AP4E1: variants seen among roughly 807,000 people sequenced by gnomAD.
AP4E1 encodes the protein AP-4 complex subunit epsilon-1.
Under a neutral mutation model 128.2 loss-of-function variants are expected in AP4E1, and 56 were observed. The ratio of observed to expected loss-of-function variants is 0.44; its 90% confidence interval spans 0.35 to 0.55. The LOEUF (loss-of-function observed/expected upper bound fraction) is 0.55, where lower values mean the gene tolerates loss of function less well. Among genes scored for constraint, AP4E1 ranks in the 20% least tolerant of loss-of-function variants. The probability of loss-of-function intolerance (pLI) is 0.00; values close to 1 mark genes in which losing one functional copy is unlikely to be tolerated. For synonymous variants in AP4E1, 484 were observed against 473.1 expected, an observed-to-expected ratio of 1.02 and a Z score of -0.30; for missense variants, 1,324 against 1,307.7, an observed-to-expected ratio of 1.01 and a Z score of -0.19.
At chr15:50,985,417 T>G (rs2064706783) in intron 16 of AP4E1, among the ~76,000 whole-genome samples, 1 of 152,234 alleles carries the variant, frequency 6.6e-6, no homozygotes, top group Admixed American at 6.5e-5. Flanking sequence ...TGCCTAGGTT[T>G]TCTTCTAGGA....
intron 13 of AP4E1, among the ~76,000 whole-genome samples, chr15:50,953,515 C>T (rs1216514148): frequency 6.6e-6 from 1 of 152,148 alleles, no homozygotes; most frequent in African/African-American, 2.4e-5. Flanking sequence ...CCAGCTGGGA[C>T]CTGAATCATT....
At chr15:50,986,254 C>T (rs1428120653) in intron 16 of AP4E1, among the ~76,000 whole-genome samples, 5 of 152,152 alleles carry the variant, frequency 3.3e-5, no homozygotes, top group Non-Finnish European at 5.9e-5. Context: ...CATCTGCAAA[C>T]AGGGACAATT....
chr15:50,957,574 T>C (rs1335749783), intron 13 of AP4E1, among the ~76,000 whole-genome samples: 4 of 152,146 alleles, frequency 2.6e-5, no homozygotes, highest in Admixed American at 2.6e-4. Context: ...CCCCACCCTT[T>C]TCTGCCTAGA....
At chr15:50,919,996 G>A (rs1301292244) in intron 3 of AP4E1, among the ~76,000 whole-genome samples, 1 of 144,366 alleles carries the variant, frequency 6.9e-6, no homozygotes, top group Non-Finnish European at 1.5e-5. Context: ...AGGATTGCTT[G>A]AACCTGGGAG....
rs1407697070 is a variant in AP4E1, at chr15:50,908,945, C to T, written c.150+17C>T. On this transcript the variant is annotated intron_variant, in intron 1 of 20. Transcript: ENST00000261842. ...TCCAAGCACGTAGGTGCCCGCCGGC[C>T]CGGGAGCTCAGGGACATCGGAGTGA... 30 of 1,610,268 alleles carry T rather than the reference C, an allele frequency of 1.9e-5. No homozygotes were observed. The highest frequency in any genetic ancestry group is 2.5e-5 in the Non-Finnish European group (29 of 1,179,332).
At chr15:50,931,834 C>T (rs547236119) in intron 7 of AP4E1, among the ~76,000 whole-genome samples, 16 of 152,110 alleles carry the variant, frequency 1.1e-4, no homozygotes, top group Admixed American at 2.0e-4. Flanking sequence ...ATTAGGCCTG[C>T]GGGCTATAGT....
chr15:50,931,013 A>G (rs1370358754), intron 7 of AP4E1, 42 bp downstream of exon 7: 2 of 1,608,726 alleles, frequency 1.2e-6, no homozygotes, highest in Admixed American at 3.3e-5. Flanking sequence ...CCCCCATACC[A>G]GATGATAAGC....
rs2064999393 is a variant in AP4E1, at chr15:51,004,532, T to G, written c.*1870T>G. ...TATTCATGAGTGGTAGCTGCAGTTG[T>G]CGTGAGAGACATGCTTGGCATACAG... On this transcript the variant is annotated 3_prime_UTR_variant, in exon 21 of 21. Coordinates refer to ENST00000261842, the MANE Select transcript of AP4E1 (RefSeq NM_007347.5). The G allele has an allele frequency of 6.6e-6, 1 of 152,432 alleles. No homozygotes were observed. The highest frequency in any genetic ancestry group is 1.5e-5 in the Non-Finnish European group (1 of 68,036). The allele number at this position is 152,432 out of a possible 1,614,324, so 9.4% of individuals were successfully genotyped here.
At chr15:50,939,628 A>G (rs560646049) in intron 8 of AP4E1, among the ~76,000 whole-genome samples, 1 of 152,334 alleles carries the variant, frequency 6.6e-6, no homozygotes, top group East Asian at 1.9e-4. Context: ...GAAACTAAAA[A>G]TAAGTGCTGT....
rs1317605477 is a variant in AP4E1, at chr15:50,929,154, C to G, written c.688C>G (p.Leu230Val). 6.2e-7 allele frequency: 1 copy of G among 1,613,574 alleles called. No individual in the cohort carries two copies. Residue 230 changes from leucine (L) to valine (V), a missense_variant, in exon 6 of 21, where the codon CTT becomes GTT. Leu to Val is a conservative substitution (Grantham distance 32, BLOSUM62 1). Transcript: ENST00000261842. ...GVMAASLHIY[L>V]RMIKENSSGY... Reference sequence around the variant, plus strand: ...CATGGCTGCCTCCTTGCATATATATCTTAGAATGATTAAGGTAAGTTGGAA... The same window carrying G: ...CATGGCTGCCTCCTTGCATATATATGTTAGAATGATTAAGGTAAGTTGGAA...
chr15:50,911,925 T>C (rs984029214), intron 1 of AP4E1, among the ~76,000 whole-genome samples, 153 bp from the exon 2 acceptor site: 3 of 152,252 alleles, frequency 2.0e-5, no homozygotes, highest in Non-Finnish European at 2.9e-5. Context: ...TGCCTTTAGA[T>C]AGATCGTAAG....
intron 3 of AP4E1, among the ~76,000 whole-genome samples, chr15:50,920,839 CCCAAGCTAGA>C (rs1783156023): frequency 6.6e-6 from 1 of 152,362 alleles, no homozygotes; most frequent in African/African-American, 2.4e-5. Context: ...GCTGTTGCAT[CCCAAGCTAGA>C]GTGCAATGGC....
chr15:50,975,402 T>C (rs1230394594), intron 15 of AP4E1, among the ~76,000 whole-genome samples: 1 of 152,176 alleles, frequency 6.6e-6, no homozygotes, highest in Non-Finnish European at 1.5e-5. Flanking sequence ...CAAAACTTCA[T>C]CTCTTTCTAT....
At position 50,908,733 on chromosome 15, in the gene AP4E1, G is replaced by C. The variant is rs1480159368; in HGVS notation, c.-46G>C. ...GCGGCGGCCGGGCATGAAGCCGGGCGGCTACGGGATCGCGGGCGGCGGCGG... is the reference window on the plus strand; with the variant it reads ...GCGGCGGCCGGGCATGAAGCCGGGCCGCTACGGGATCGCGGGCGGCGGCGG... On this transcript the variant is annotated 5_prime_UTR_variant, in exon 1 of 21. Coordinates refer to ENST00000261842, the MANE Select transcript of AP4E1 (RefSeq NM_007347.5). 5.4e-6 allele frequency: 8 copies of C among 1,484,928 alleles called. No homozygotes were observed. The African/African-American group carries it at 8.8e-5, about 16-fold the overall frequency. 92.0% of individuals were successfully genotyped at this position (1,484,928 alleles called of 1,614,324 possible).
At chr15:50,969,546 A>C (rs548270495) in intron 15 of AP4E1, among the ~76,000 whole-genome samples, 3 of 152,152 alleles carry the variant, frequency 2.0e-5, no homozygotes, top group East Asian at 3.9e-4. Context: ...ATACATATTC[A>C]TGGGGAATAT....
intron 7 of AP4E1, 116 bp downstream of exon 7, chr15:50,931,087 A>C (rs2063830227): frequency 7.8e-7 from 1 of 1,274,990 alleles, no homozygotes; most frequent in Non-Finnish European, 1.1e-6. Context: ...AATTGGCTTA[A>C]TAGTGATAAA....
At chr15:50,992,194 AGG>A in intron 16 of AP4E1, among the ~76,000 whole-genome samples, 1 of 152,134 alleles carries the variant, frequency 6.6e-6, no homozygotes, top group Non-Finnish European at 1.5e-5. Context: ...TAAGATTGTC[AGG>A]AATACATAAA....
rs775631080 is a variant in AP4E1, at chr15:50,924,027, A to G, written c.420+23A>G. 2.6e-6 allele frequency: 4 copies of G among 1,558,126 alleles called. No homozygotes were observed. The Admixed American group carries it at 5.0e-5, about 20-fold the overall frequency. ...AAGGTATTGTATTGTATGTTGGTTA[A>G]TATGAAGTCATAATTCTTGTCAGCA... On this transcript the variant is annotated intron_variant, in intron 4 of 20. Coordinates refer to ENST00000261842, the MANE Select transcript of AP4E1 (RefSeq NM_007347.5).
chr15:50,956,585 G>T (rs2064226137), intron 13 of AP4E1, among the ~76,000 whole-genome samples: 1 of 152,156 alleles, frequency 6.6e-6, no homozygotes, highest in Admixed American at 6.5e-5. Context: ...CTCTTTACAG[G>T]GTGGCAGGAG....
Sources: gnomAD v4.1 joint callset for allele counts (sites outside exome capture counted in the v4.1 genomes callset) on GRCh38, gnomAD v4.1.1 for gene constraint, MANE v1.5 for transcripts, NCBI Gene and HGNC (gene_info 2026-07-23, HGNC 2026-07-21) for gene names.